The following RIGI variants were observed in gnomAD, a reference collection of about 807,000 sequenced individuals.
RIGI encodes antiviral innate immune response receptor RIG-I.
the RIGI span, among the ~76,000 whole-genome samples, chr9:32,458,889 C>CTTTTTT: frequency 5.0e-4 from 62 of 124,990 alleles, no homozygotes; most frequent in Non-Finnish European, 7.3e-4. Context: ...TTTAGCATGA[C>CTTTTTT]TTTTTTTTTT....
the RIGI span, among the ~76,000 whole-genome samples, chr9:32,498,073 C>A: frequency 6.6e-6 from 1 of 152,196 alleles, no homozygotes; most frequent in Non-Finnish European, 1.5e-5. Flanking sequence ...TGATTTCAAC[C>A]AACCTCCTGA....
the RIGI span, among the ~76,000 whole-genome samples, chr9:32,512,555 G>T: frequency 6.6e-6 from 1 of 152,142 alleles, no homozygotes; most frequent in Non-Finnish European, 1.5e-5. Context: ...ACTAGGTATT[G>T]ATGGAATGTA....
the RIGI span, among the ~76,000 whole-genome samples, chr9:32,463,564 G>C: frequency 6.6e-6 from 1 of 152,122 alleles, no homozygotes; most frequent in Non-Finnish European, 1.5e-5. Flanking sequence ...TATTTTAAGT[G>C]TTACTCTAGG....
At chr9:32,480,196 C>T in the RIGI span, 1 of 1,577,276 alleles carries the variant, frequency 6.3e-7, no homozygotes, top group Non-Finnish European at 8.7e-7. Flanking sequence ...ACTGTGGCTT[C>T]CTCCTCTGAA....
the RIGI span, chr9:32,468,072 C>T: frequency 1.4e-6 from 1 of 717,354 alleles, no homozygotes; most frequent in Non-Finnish European, 2.2e-6. Flanking sequence ...CACAACACAC[C>T]TAGGCAGTGG....
the RIGI span, among the ~76,000 whole-genome samples, chr9:32,469,797 C>T: frequency 6.6e-6 from 1 of 152,174 alleles, no homozygotes; most frequent in East Asian, 1.9e-4. Context: ...GTGGCTCAAA[C>T]AATATGCGCA....
At chr9:32,517,409 TTAAC>T in the RIGI span, among the ~76,000 whole-genome samples, 1 of 152,226 alleles carries the variant, frequency 6.6e-6, no homozygotes, top group African/African-American at 2.4e-5. Flanking sequence ...TAGATGTACA[TTAAC>T]TATGTTATAC....
the RIGI span, among the ~76,000 whole-genome samples, chr9:32,475,817 A>G: frequency 6.6e-6 from 1 of 152,138 alleles, no homozygotes; most frequent in Non-Finnish European, 1.5e-5. Context: ...AAACTGATAT[A>G]CTGAACTTTG....
chr9:32,458,718 G>A, the RIGI span, among the ~76,000 whole-genome samples: 1 of 152,022 alleles, frequency 6.6e-6, no homozygotes, highest in African/African-American at 2.4e-5. Flanking sequence ...CCTTTACCCA[G>A]TTTCCCCAAA....
At chr9:32,468,026 C>G in the RIGI span, 12 of 1,166,792 alleles carry the variant, frequency 1.0e-5, no homozygotes, top group Non-Finnish European at 1.5e-5. Context: ...TTATTATATG[C>G]CAAGTACTGT....
At chr9:32,480,287 T>C in the RIGI span, 2 of 1,611,530 alleles carry the variant, frequency 1.2e-6, no homozygotes, top group South Asian at 2.2e-5. Flanking sequence ...GCTGAAGAAG[T>C]CTTTCAAGTA....
the RIGI span, among the ~76,000 whole-genome samples, chr9:32,498,843 T>C: frequency 6.6e-6 from 1 of 151,892 alleles, no homozygotes; most frequent in Non-Finnish European, 1.5e-5. Flanking sequence ...ATTAGCCAGA[T>C]GTGGTGGTGG....
the RIGI span, chr9:32,485,148 G>T: frequency 6.6e-7 from 1 of 1,518,364 alleles, no homozygotes; most frequent in Non-Finnish European, 9.0e-7. Context: ...CCAGTAGAGA[G>T]AACACAAAAT....
the RIGI span, among the ~76,000 whole-genome samples, chr9:32,500,056 G>A: frequency 6.6e-6 from 1 of 152,128 alleles, no homozygotes; most frequent in African/African-American, 2.4e-5. Context: ...TAATTAGAGG[G>A]TCTCTATTCT....
At chr9:32,509,071 C>T in the RIGI span, among the ~76,000 whole-genome samples, 2 of 152,140 alleles carry the variant, frequency 1.3e-5, no homozygotes, top group Non-Finnish European at 1.5e-5. Flanking sequence ...CTAGGCAGGG[C>T]ATCTCTGAAA....
the RIGI span, among the ~76,000 whole-genome samples, chr9:32,514,440 C>G: frequency 6.6e-6 from 1 of 152,142 alleles, no homozygotes; most frequent in African/African-American, 2.4e-5. Flanking sequence ...ATGGATGAAG[C>G]TGGAAACCAT....
chr9:32,466,869 A>G, the RIGI span, among the ~76,000 whole-genome samples: 1 of 152,180 alleles, frequency 6.6e-6, no homozygotes, highest in African/African-American at 2.4e-5. Context: ...ATGAACCCCC[A>G]GTATGACACT....
chr9:32,459,859 T>C, the RIGI span, among the ~76,000 whole-genome samples: 1 of 152,234 alleles, frequency 6.6e-6, no homozygotes, highest in Non-Finnish European at 1.5e-5. Context: ...GTACCAGATA[T>C]ACAATATGCG....
At chr9:32,508,314 C>T in the RIGI span, among the ~76,000 whole-genome samples, 6 of 131,996 alleles carry the variant, frequency 4.5e-5, no homozygotes, top group African/African-American at 1.7e-4. Context: ...GGCAAGATGG[C>T]CAAAAAAGGA....
Sources: allele counts gnomAD v4.1 joint callset (sites outside exome capture counted in the v4.1 genomes callset), GRCh38; gene constraint gnomAD v4.1.1; transcripts MANE v1.5; gene names NCBI Gene and HGNC (gene_info 2026-07-23, HGNC 2026-07-21).